NAA15: variants seen among roughly 807,000 people sequenced by gnomAD.
NAA15 encodes N-terminal acetyltransferase.
NAA15 carries 34 observed loss-of-function variants against 114.0 expected under a neutral mutation model. The observed-to-expected ratio is 0.30, with a 90% CI of 0.23 to 0.40. The LOEUF (loss-of-function observed/expected upper bound fraction) is 0.40. Ranked by LOEUF, NAA15 falls within the 10% of genes least tolerant of loss-of-function variation. NAA15 has a pLI of 1.00. For synonymous variants in NAA15, 340 were observed against 338.0 expected, an observed-to-expected ratio of 1.01 and a Z score of -0.06; for missense variants, 658 against 1,004.5, an observed-to-expected ratio of 0.66 and a Z score of 4.66.
intron 1 of NAA15, among the ~76,000 whole-genome samples, chr4:139,322,185 TG>T (rs1404442681): frequency 6.6e-6 from 1 of 152,112 alleles, no homozygotes; most frequent in Non-Finnish European, 1.5e-5. Flanking sequence ...GGGAGGGACC[TG>T]GTAGGAGGTA....
At chr4:139,383,476 A>G (rs1262173524) in intron 17 of NAA15, among the ~76,000 whole-genome samples, 1 of 152,086 alleles carries the variant, frequency 6.6e-6, no homozygotes, top group Non-Finnish European at 1.5e-5. Flanking sequence ...TCATTCATTT[A>G]TGTATTTATT....
At chr4:139,328,269 C>T (rs553142353) in intron 1 of NAA15, among the ~76,000 whole-genome samples, 33 of 151,696 alleles carry the variant, frequency 2.2e-4, no homozygotes, top group Non-Finnish European at 4.0e-4. Flanking sequence ...TGCAGTGGCA[C>T]GATCTTGGCT....
chr4:139,348,572 C>T (rs1747678378), intron 6 of NAA15, among the ~76,000 whole-genome samples: 1 of 151,816 alleles, frequency 6.6e-6, no homozygotes, highest in South Asian at 2.1e-4. Flanking sequence ...GAAGTAGTGG[C>T]TTAAAAATAA....
intron 1 of NAA15, among the ~76,000 whole-genome samples, chr4:139,323,898 A>G (rs1195620488): frequency 3.9e-5 from 6 of 152,156 alleles, no homozygotes; most frequent in Non-Finnish European, 8.8e-5. Flanking sequence ...TTTATTATCT[A>G]TTAGAACAAT....
intron 1 of NAA15, among the ~76,000 whole-genome samples, chr4:139,308,879 A>G (rs1013029042): frequency 6.6e-6 from 1 of 152,058 alleles, no homozygotes; most frequent in Non-Finnish European, 1.5e-5. Context: ...GCCTCTCCCA[A>G]GTGCTGGGAT....
chr4:139,382,820 G>C (rs990158788), intron 17 of NAA15, among the ~76,000 whole-genome samples: 1 of 152,130 alleles, frequency 6.6e-6, no homozygotes, highest in Admixed American at 6.5e-5. Flanking sequence ...AACCAACAAA[G>C]AGCATGTCAG....
chr4:139,340,321 A>G (rs2110909581), intron 3 of NAA15, among the ~76,000 whole-genome samples: 1 of 152,198 alleles, frequency 6.6e-6, no homozygotes, highest in South Asian at 2.1e-4. Flanking sequence ...TACCTGTCTC[A>G]AAAAAAGGGA....
At chr4:139,329,665 A>T (rs1427989929) in intron 1 of NAA15, among the ~76,000 whole-genome samples, 1 of 152,230 alleles carries the variant, frequency 6.6e-6, no homozygotes, top group Non-Finnish European at 1.5e-5. Context: ...GGCTGTGAGA[A>T]TTGTTAAACT....
chr4:139,318,797 T>C (rs1746500191), intron 1 of NAA15, among the ~76,000 whole-genome samples: 1 of 151,198 alleles, frequency 6.6e-6, no homozygotes, highest in Non-Finnish European at 1.5e-5. Flanking sequence ...GAGGTTGCAG[T>C]GAGCCAAGAT....
At chr4:139,329,794 C>G (rs1183691366) in intron 1 of NAA15, among the ~76,000 whole-genome samples, 1 of 152,166 alleles carries the variant, frequency 6.6e-6, no homozygotes, top group Non-Finnish European at 1.5e-5. Flanking sequence ...ATTTTTGGAT[C>G]TCTTTCTCAG....
In NAA15 at chr4:139,391,013, G is replaced by A. The variant is rs781245367; in HGVS notation, c.*2929G>A. Reference sequence around the variant, plus strand: ...TTTCTAAGAATATTTCAGTTACCATGTATAGTATTTGGGAAAAGCTGTAAT... The same window carrying A: ...TTTCTAAGAATATTTCAGTTACCATATATAGTATTTGGGAAAAGCTGTAAT... On this transcript the variant is annotated 3_prime_UTR_variant, in exon 20 of 20. Transcript: ENST00000296543. 6.6e-6 allele frequency: 1 copy of A among 152,182 alleles called. No homozygotes were observed. Among genetic ancestry groups the A allele is most frequent in the African/African-American group, 2.4e-5 (1 of 41,442 alleles). 9.4% of individuals were successfully genotyped at this position (152,182 alleles called of 1,614,324 possible). A position where few individuals can be genotyped will look rare whatever the true frequency, so the allele number is the denominator to read the frequency against.
At chr4:139,387,709 A>G (rs550500065) in intron 19 of NAA15, among the ~76,000 whole-genome samples, 175 bp from the exon 20 acceptor site, 10 of 152,366 alleles carry the variant, frequency 6.6e-5, no homozygotes, top group African/African-American at 2.4e-4. Flanking sequence ...TTCTGGAGAA[A>G]TGGTTAAATT....
intron 1 of NAA15, among the ~76,000 whole-genome samples, chr4:139,310,403 G>A (rs1324345976): frequency 6.8e-6 from 1 of 146,828 alleles, no homozygotes. Context: ...GCAGTGAGCC[G>A]AGATCCCGCC....
chr4:139,382,780 T>C (rs1748789292), intron 17 of NAA15, among the ~76,000 whole-genome samples: 1 of 152,140 alleles, frequency 6.6e-6, no homozygotes, highest in South Asian at 2.1e-4. Context: ...AACCACCCAG[T>C]TTTATAGAAT....
chr4:139,332,354 C>T (rs1158027583), intron 1 of NAA15, among the ~76,000 whole-genome samples: 1 of 151,854 alleles, frequency 6.6e-6, no homozygotes, highest in Non-Finnish European at 1.5e-5. Context: ...TGGTCTCGAA[C>T]TTCTGACCTC....
At chr4:139,351,939 G>C (rs961722558) in intron 9 of NAA15, among the ~76,000 whole-genome samples, 1 of 149,552 alleles carries the variant, frequency 6.7e-6, no homozygotes, top group Non-Finnish European at 1.5e-5. Flanking sequence ...GAGTGTGCTT[G>C]TTTTTTGTTT....
At chr4:139,345,975 C>T (rs1479187491) in intron 6 of NAA15, among the ~76,000 whole-genome samples, 1 of 151,880 alleles carries the variant, frequency 6.6e-6, no homozygotes, top group Non-Finnish European at 1.5e-5. Context: ...ACACATGACT[C>T]AGTTGAGGAG....
chr4:139,360,907 C>T (rs1009236397), intron 13 of NAA15, among the ~76,000 whole-genome samples: 4 of 151,992 alleles, frequency 2.6e-5, no homozygotes, highest in East Asian at 3.8e-4. Context: ...TTGCTGCTGC[C>T]GCTTTAGTAG....
intron 6 of NAA15, among the ~76,000 whole-genome samples, chr4:139,349,076 G>T (rs34711204): frequency 0.09 from 13,659 of 152,222 alleles, 794 homozygotes; most frequent in Middle Eastern, 0.17. Context: ...GCTGATTAAG[G>T]GATCATAAGG....
Sources: gnomAD v4.1 joint callset for allele counts (sites outside exome capture counted in the v4.1 genomes callset) on GRCh38, gnomAD v4.1.1 for gene constraint, MANE v1.5 for transcripts, NCBI Gene and HGNC (gene_info 2026-07-23, HGNC 2026-07-21) for gene names.